CNTN5: variants seen among roughly 807,000 people sequenced by gnomAD.
CNTN5 encodes the protein contactin 5.
Under a neutral mutation model 129.1 loss-of-function variants are expected in CNTN5, and 77 were observed. The ratio of observed to expected loss-of-function variants is 0.60; its 90% CI spans 0.50 to 0.72. CNTN5 has a LOEUF of 0.72. Among genes scored for constraint, CNTN5 ranks in the 30% least tolerant of loss-of-function variants. The probability of loss-of-function intolerance (pLI) is 0.00; values close to 1 mark genes in which losing one functional copy is unlikely to be tolerated. For missense variants in CNTN5, 1,478 were observed against 1,328.8 expected (o/e 1.11, Z -1.75); for synonymous variants, 509 against 465.6 (o/e 1.09, Z -1.20).
intron 15 of CNTN5, 90 bp downstream of exon 15, chr11:100,193,753 G>GAAA: frequency 1.9e-5 from 15 of 776,640 alleles, no homozygotes; most frequent in South Asian, 4.5e-5. Flanking sequence ...GAAGTGCTAA[G>GAAA]AAAAAAAAAA....
rs143879613 is a variant in CNTN5 at position 99,980,532 on chromosome 11, C to T, written c.878-21502C>T. Among the ~76,000 whole-genome samples, 21 of 152,228 alleles carry T rather than the reference C, an allele frequency of 1.4e-4. No individual in the cohort carries two copies. In the East Asian group the frequency reaches 3.7e-3, roughly 27 times the overall value. On this transcript the variant is annotated intron_variant, in intron 8 of 24. Coordinates refer to ENST00000524871, the MANE Select transcript of CNTN5 (RefSeq NM_014361.4). ...CTGAAAGCATTTGATCGCGCACAAA[C>T]AGAACTAGGACGATTTGCAAAGGAG...
At chr11:100,353,804 G>A (rs1952468073) in intron 24 of CNTN5, among the ~76,000 whole-genome samples, 1 of 151,578 alleles carries the variant, frequency 6.6e-6, no homozygotes, top group Non-Finnish European at 1.5e-5. Context: ...GCATTTGTGT[G>A]TGTGTGTGTG....
chr11:99,326,505 A>G (rs1462698790), intron 2 of CNTN5, among the ~76,000 whole-genome samples: 1 of 152,172 alleles, frequency 6.6e-6, no homozygotes, highest in East Asian at 1.9e-4. Flanking sequence ...CTAAATGTGG[A>G]TGTGAGAGCA....
intron 1 of CNTN5, among the ~76,000 whole-genome samples, chr11:99,129,865 G>C (rs1263560677): frequency 6.6e-6 from 1 of 152,136 alleles, no homozygotes; most frequent in African/African-American, 2.4e-5. Context: ...GCCAAACTAA[G>C]CTTCGTAAGT....
At chr11:99,355,415 T>A (rs558929979) in intron 2 of CNTN5, among the ~76,000 whole-genome samples, 39 of 152,276 alleles carry the variant, frequency 2.6e-4, no homozygotes, top group African/African-American at 9.4e-4. Flanking sequence ...GGGACCAGTT[T>A]CACATGAGAC....
intron 21 of CNTN5, among the ~76,000 whole-genome samples, chr11:100,337,951 G>C (rs1415288715): frequency 6.6e-6 from 1 of 152,198 alleles, no homozygotes; most frequent in Non-Finnish European, 1.5e-5. Flanking sequence ...ACCAAAGAAA[G>C]TCCCATAAGT....
intron 3 of CNTN5, among the ~76,000 whole-genome samples, chr11:99,730,658 G>A (rs1565469667): frequency 6.6e-6 from 1 of 151,936 alleles, no homozygotes. Flanking sequence ...TAACAAATGA[G>A]TATTTTAAAA....
chr11:99,836,719 C>T (rs987959043), intron 4 of CNTN5, among the ~76,000 whole-genome samples: 1 of 152,204 alleles, frequency 6.6e-6, no homozygotes, highest in Non-Finnish European at 1.5e-5. Flanking sequence ...AATCGCCACA[C>T]TGTCTTCCAC....
chr11:100,228,898 T>C (rs1465106341), intron 16 of CNTN5, among the ~76,000 whole-genome samples: 1 of 152,148 alleles, frequency 6.6e-6, no homozygotes, highest in Non-Finnish European at 1.5e-5. Context: ...GGGCTGGATA[T>C]GTAATCTGTG....
At chr11:99,615,764 T>G (rs893861947) in intron 3 of CNTN5, among the ~76,000 whole-genome samples, 2 of 152,024 alleles carry the variant, frequency 1.3e-5, no homozygotes, top group South Asian at 4.1e-4. Flanking sequence ...CTTGTTTTTT[T>G]TTTTTAATTT....
At chr11:99,466,205 T>A (rs1944935726) in intron 2 of CNTN5, among the ~76,000 whole-genome samples, 1 of 151,970 alleles carries the variant, frequency 6.6e-6, no homozygotes, top group Admixed American at 6.6e-5. Flanking sequence ...AACAACCATA[T>A]CACATGAGAA....
intron 1 of CNTN5, among the ~76,000 whole-genome samples, chr11:99,245,918 A>G (rs1454708200): frequency 1.3e-5 from 2 of 152,122 alleles, no homozygotes; most frequent in Non-Finnish European, 2.9e-5. Context: ...GATACTGCCA[A>G]ATATTTCCTG....
intron 9 of CNTN5, among the ~76,000 whole-genome samples, chr11:100,031,379 T>C (rs895791356): frequency 5.9e-5 from 9 of 152,088 alleles, no homozygotes; most frequent in African/African-American, 2.2e-4. Flanking sequence ...TCAGGGAGGT[T>C]TCACATCACC....
chr11:99,823,692 G>A (rs1032403447), intron 4 of CNTN5, among the ~76,000 whole-genome samples: 4 of 147,684 alleles, frequency 2.7e-5, no homozygotes, highest in African/African-American at 1.1e-4. Flanking sequence ...TATATATTAA[G>A]TTTATTAAAC....
At chr11:99,048,058 A>C (rs1230690391) in intron 1 of CNTN5, among the ~76,000 whole-genome samples, 1 of 152,044 alleles carries the variant, frequency 6.6e-6, no homozygotes, top group East Asian at 1.9e-4. Flanking sequence ...GAGCTGATTC[A>C]CAGACGTATA....
At chr11:99,991,321 GC>G (rs1939081107) in intron 8 of CNTN5, among the ~76,000 whole-genome samples, 2 of 145,060 alleles carry the variant, frequency 1.4e-5, no homozygotes, top group South Asian at 4.4e-4. Flanking sequence ...CAAAAAATTA[GC>G]CAGGCGTGGT....
chr11:99,772,390 A>C (rs1029906565), intron 3 of CNTN5, among the ~76,000 whole-genome samples: 1 of 152,096 alleles, frequency 6.6e-6, no homozygotes, highest in Non-Finnish European at 1.5e-5. Context: ...ATGACACTTA[A>C]CTGCCATGAA....
chr11:99,571,995 G>A (rs75011887), intron 3 of CNTN5, among the ~76,000 whole-genome samples: 3,678 of 152,082 alleles, frequency 0.024, 125 homozygotes, highest in African/African-American at 0.083. Flanking sequence ...AATGAGATAC[G>A]AAAGCCTCTC....
chr11:99,520,770 C>T (rs890956030), intron 2 of CNTN5, among the ~76,000 whole-genome samples: 14 of 151,864 alleles, frequency 9.2e-5, no homozygotes, highest in African/African-American at 3.4e-4. Context: ...ATTTATGGTC[C>T]AAAAATTTTT....
Sources: gnomAD v4.1 joint callset for allele counts (sites outside exome capture counted in the v4.1 genomes callset) on GRCh38, gnomAD v4.1.1 for gene constraint, MANE v1.5 for transcripts, NCBI Gene and HGNC (gene_info 2026-07-23, HGNC 2026-07-21) for gene names.